ELFN1: variants seen among roughly 807,000 people sequenced by gnomAD.
The protein encoded by ELFN1 is protein ELFN1.
In ELFN1, 6 loss-of-function variants were observed where a neutral mutation model predicts 7.6. The observed-to-expected ratio is 0.79, with a 90% CI of 0.43 to 1.56. The LOEUF is 1.56. ELFN1 is among the 40% of genes most tolerant of loss of function. The pLI is 0.01. For synonymous variants in ELFN1, 657 were observed against 588.1 expected, an observed-to-expected ratio of 1.12 and a Z score of -1.70; for missense variants, 1,169 against 1,232.2, an observed-to-expected ratio of 0.95 and a Z score of 0.77.
Position 1,673,506 on chromosome 7 carries a change from C to T in ELFN1, c.-549+3152C>T, listed in dbSNP as rs977386645. 3.3e-5 allele frequency among the ~76,000 whole-genome samples: 5 copies of T among 151,198 alleles called. No homozygotes were observed. Among genetic ancestry groups the T allele is most frequent in the African/African-American group, 9.7e-5 (4 of 41,308 alleles). On this transcript the variant is annotated intron_variant, in intron 1 of 3. Transcript: ENST00000424383. The surrounding 1 kb of genome is among the most constrained non-coding windows in gnomAD (Gnocchi z 4.7). ...TGCCCCCCCTCCCCGCCCCCTGCCC[C>T]GGATGTCCCTTTCCCAAGGCTGGTG...
intron 1 of ELFN1, among the ~76,000 whole-genome samples, chr7:1,687,126 G>A (rs1340948080): frequency 6.6e-6 from 1 of 152,158 alleles, no homozygotes; most frequent in East Asian, 1.9e-4. Context: ...CTGAGTTGGG[G>A]GGAGGTGCGG....
upstream of ELFN1, among the ~76,000 whole-genome samples, chr7:1,669,364 G>C (rs1438019978): frequency 2.6e-5 from 4 of 152,228 alleles, no homozygotes; most frequent in Non-Finnish European, 4.4e-5. Context: ...CGCCGGCGGG[G>C]ACGCGCGGGC....
intron 3 of ELFN1, among the ~76,000 whole-genome samples, chr7:1,723,675 G>A (rs1317534518): frequency 6.6e-6 from 1 of 152,148 alleles, no homozygotes; most frequent in Non-Finnish European, 1.5e-5. Flanking sequence ...GCTTGGGCTC[G>A]TGGGCCACGA....
chr7:1,736,213 G>A (rs556465766), intron 3 of ELFN1, among the ~76,000 whole-genome samples: 1 of 152,316 alleles, frequency 6.6e-6, no homozygotes, highest in African/African-American at 2.4e-5. Context: ...TGATCTATCG[G>A]CAAAACATTG....
At chr7:1,701,158 G>A (rs1158259037) in intron 2 of ELFN1, among the ~76,000 whole-genome samples, 4 of 151,526 alleles carry the variant, frequency 2.6e-5, no homozygotes, top group Non-Finnish European at 5.9e-5. Flanking sequence ...GTGCACGCAT[G>A]TGTGTGTATG....
intron 3 of ELFN1, among the ~76,000 whole-genome samples, chr7:1,726,035 G>A (rs111327849): frequency 8.6e-5 from 13 of 151,778 alleles, no homozygotes; most frequent in Non-Finnish European, 1.3e-4. Flanking sequence ...CACAACTTGC[G>A]CAAAAATCAC....
intron 2 of ELFN1, among the ~76,000 whole-genome samples, chr7:1,689,372 A>C (rs1779114885): frequency 6.6e-6 from 1 of 152,238 alleles, no homozygotes; most frequent in Admixed American, 6.5e-5. Context: ...CTCAGAGCTC[A>C]GATGGATAAG....
At position 1,673,529 on chromosome 7, in the gene ELFN1, G is replaced by A. The variant is rs1778808873; in HGVS notation, c.-549+3175G>A. On this transcript the variant is annotated intron_variant, in intron 1 of 3. Transcript: ENST00000424383. The surrounding 1 kb of genome is among the most constrained non-coding windows in gnomAD (Gnocchi z 4.7). ...CCCGGATGTCCCTTTCCCAAGGCTG[G>A]TGGATTGAGACCTGGTTCTGTCCCA... 6.6e-6 allele frequency among the ~76,000 whole-genome samples: 1 copy of A among 152,230 alleles called. No homozygotes were observed. Among genetic ancestry groups the A allele is most frequent in the African/African-American group, 2.4e-5 (1 of 41,558 alleles).
At position 1,670,929 on chromosome 7, in the gene ELFN1, C is replaced by G. The variant is rs570366809; in HGVS notation, c.-549+575C>G. 1.2e-4 allele frequency among the ~76,000 whole-genome samples: 17 copies of G among 141,334 alleles called. No homozygotes were observed. In the South Asian group the frequency reaches 3.9e-3, roughly 32 times the overall value. The allele number at this position is 141,334 out of a possible 152,430, so 92.7% of individuals were successfully genotyped here. A position where few individuals can be genotyped will look rare whatever the true frequency, so the allele number is the denominator to read the frequency against. ...CCCAGCCCCTGAGTCCAACCACTGG[C>G]GGGGGGGTGGGGTGGGGGGCTTCGC... On this transcript the variant is annotated intron_variant, in intron 1 of 3. Transcript: ENST00000424383. This position sits in a 1 kb window ranked among gnomAD's most constrained non-coding sequence, Gnocchi z 6.4.
intron 1 of ELFN1, among the ~76,000 whole-genome samples, chr7:1,671,877 T>TGA (rs1319308795): frequency 6.6e-6 from 1 of 152,148 alleles, no homozygotes; most frequent in African/African-American, 2.4e-5. Flanking sequence ...CACCTGGATT[T>TGA]GAGGGGGTTT....
chr7:1,703,792 G>A (rs1010017589), intron 2 of ELFN1, among the ~76,000 whole-genome samples: 2 of 152,332 alleles, frequency 1.3e-5, no homozygotes, highest in African/African-American at 2.4e-5. Flanking sequence ...ACTCTCGGCC[G>A]AGTTTAGCTA....
At chr7:1,742,748 C>G (rs1034989440) in intron 3 of ELFN1, among the ~76,000 whole-genome samples, 1 of 152,262 alleles carries the variant, frequency 6.6e-6, no homozygotes, top group Non-Finnish European at 1.5e-5. Flanking sequence ...CCCATGCCGT[C>G]TGACTTCTCC....
rs1270566876 is a variant in ELFN1, at chr7:1,670,388, G to T, written c.-549+34G>T. 6.6e-6 allele frequency among the ~76,000 whole-genome samples: 1 copy of T among 151,574 alleles called. No homozygotes were observed. Among genetic ancestry groups the T allele is most frequent in the African/African-American group, 2.4e-5 (1 of 41,274 alleles). On this transcript the variant is annotated intron_variant, in intron 1 of 3. Transcript: ENST00000424383. This position sits in a 1 kb window ranked among gnomAD's most constrained non-coding sequence, Gnocchi z 6.4. ...CGAGCGCGGCCGGGCGCTGAACCTG[G>T]GGGACTTGGGACCCGGACCACCCCC...
At chr7:1,685,215 C>G (rs547790096) in intron 1 of ELFN1, among the ~76,000 whole-genome samples, 1 of 152,256 alleles carries the variant, frequency 6.6e-6, no homozygotes, top group East Asian at 1.9e-4. Context: ...ACTCTGGACA[C>G]TGTGAATCAA....
At chr7:1,736,339 A>C (rs562667369) in intron 3 of ELFN1, among the ~76,000 whole-genome samples, 1 of 152,078 alleles carries the variant, frequency 6.6e-6, no homozygotes, top group Non-Finnish European at 1.5e-5. Flanking sequence ...CATCAGCAGA[A>C]TCCTCAGTCC....
chr7:1,730,984 T>A (rs1398613591), intron 3 of ELFN1, among the ~76,000 whole-genome samples: 2 of 152,086 alleles, frequency 1.3e-5, no homozygotes, highest in African/African-American at 4.8e-5. Flanking sequence ...AACCAACATA[T>A]ACAAATCAAT....
chr7:1,696,080 C>T (rs944958504), intron 2 of ELFN1, among the ~76,000 whole-genome samples: 3 of 152,066 alleles, frequency 2.0e-5, no homozygotes, highest in African/African-American at 4.8e-5. Flanking sequence ...AGTCTGGGAT[C>T]GGGTGCCAGC....
rs746629733 is a variant in ELFN1 at position 1,673,217 on chromosome 7, C to T, written c.-549+2863C>T. Among the ~76,000 whole-genome samples, 3 of 152,030 alleles carry T rather than the reference C, an allele frequency of 2.0e-5. No homozygotes were observed. The highest frequency in any genetic ancestry group is 4.2e-4 in the South Asian group (2 of 4,814). ...GTGGAGCCACTGCAGTGGACGATGG[C>T]GCCATCCATTCCAGCACCAGCTGTA... On this transcript the variant is annotated intron_variant, in intron 1 of 3. Coordinates refer to ENST00000424383, the MANE Select transcript of ELFN1 (RefSeq NM_001128636.4). The surrounding 1 kb of genome is among the most constrained non-coding windows in gnomAD (Gnocchi z 4.7).
chr7:1,731,824 AT>A (rs1780330990), intron 3 of ELFN1, among the ~76,000 whole-genome samples: 1 of 152,006 alleles, frequency 6.6e-6, no homozygotes, highest in Non-Finnish European at 1.5e-5. Flanking sequence ...TAATTTTTGT[AT>A]TTTTAGTAGA....
Sources: allele counts gnomAD v4.1 joint callset (sites outside exome capture counted in the v4.1 genomes callset), GRCh38; gene constraint gnomAD v4.1.1; non-coding constraint Gnocchi (gnomAD v3.1); transcripts MANE v1.5; gene names NCBI Gene and HGNC (gene_info 2026-07-23, HGNC 2026-07-21).